Variants in MTUS2 observed in about 807,000 individuals in gnomAD.
MTUS2 encodes the protein microtubule associated scaffold protein 2.
A neutral mutation model predicts 114.1 loss-of-function variants in MTUS2; 40 were observed. That is an observed-to-expected ratio of 0.35 (90% CI 0.27 to 0.46). The LOEUF is 0.46. Among genes scored for constraint, MTUS2 ranks in the 20% least tolerant of loss-of-function variants. The pLI is 1.00. For synonymous variants in MTUS2, 688 were observed against 672.0 expected (o/e 1.02, Z -0.37); for missense variants, 1,679 against 1,705.4 (o/e 0.98, Z 0.27).
intron 5 of MTUS2, among the ~76,000 whole-genome samples, chr13:29,197,775 C>T (rs899840888): frequency 6.6e-6 from 1 of 152,126 alleles, no homozygotes; most frequent in African/African-American, 2.4e-5. Context: ...GATGGTATCT[C>T]ATTGTGGTTT....
intron 3 of MTUS2, among the ~76,000 whole-genome samples, chr13:29,030,946 G>C (rs1886786630): frequency 6.6e-6 from 1 of 152,084 alleles, no homozygotes; most frequent in South Asian, 2.1e-4. Context: ...GATCATCTGG[G>C]ATCTAGTCAT....
At chr13:29,455,084 G>T (rs910947334) in intron 9 of MTUS2, among the ~76,000 whole-genome samples, 4 of 152,226 alleles carry the variant, frequency 2.6e-5, no homozygotes, top group Admixed American at 2.0e-4. Flanking sequence ...CGTGGGAGGT[G>T]TCCAGGTAGT....
chr13:29,320,937 C>T lies in MTUS2; in HGVS notation c.2807-3676C>T, dbSNP rs181688849. Among the ~76,000 whole-genome samples, 13 of 152,280 alleles carry T rather than the reference C, an allele frequency of 8.5e-5. No individual in the cohort carries two copies. The East Asian group carries it at 2.1e-3, about 25-fold the overall frequency. On this transcript the variant is annotated intron_variant, in intron 6 of 15. Coordinates refer to ENST00000612955, the MANE Select transcript of MTUS2 (RefSeq NM_001033602.4). ...GATGAGGAAGAAGACTGACTTGTTT[C>T]TGGTTTCAGTGACTGGGAGGACAAT...
chr13:28,837,595 C>T (rs1042695678), intron 1 of MTUS2, among the ~76,000 whole-genome samples: 10 of 152,134 alleles, frequency 6.6e-5, no homozygotes, highest in Admixed American at 1.3e-4. Flanking sequence ...GCCAGTACTC[C>T]TTAATTTTGT....
At chr13:29,303,568 C>CAGGCAGACAAGAATAGACAAGAATTA (rs1473457687) in intron 6 of MTUS2, among the ~76,000 whole-genome samples, 13 of 152,058 alleles carry the variant, frequency 8.5e-5, no homozygotes, top group Admixed American at 8.5e-4. Flanking sequence ...TGAAATAAGA[C>CAGGCAGACAAGAATAGACAAGAATTA]AGGCAGACAA....
intron 5 of MTUS2, among the ~76,000 whole-genome samples, chr13:29,122,931 G>A (rs1026004121): frequency 6.6e-6 from 1 of 152,174 alleles, no homozygotes; most frequent in Non-Finnish European, 1.5e-5. Context: ...AATTTCTAAT[G>A]ATCAGCCACT....
At chr13:29,048,663 T>G (rs1887746329) in intron 4 of MTUS2, among the ~76,000 whole-genome samples, 2 of 152,126 alleles carry the variant, frequency 1.3e-5, no homozygotes, top group South Asian at 4.1e-4. Context: ...AGAGACAAGG[T>G]CTTACTGTAT....
At chr13:28,854,681 T>C (rs1876508308) in intron 2 of MTUS2, among the ~76,000 whole-genome samples, 1 of 152,232 alleles carries the variant, frequency 6.6e-6, no homozygotes, top group Non-Finnish European at 1.5e-5. Context: ...TTTTAAAAGT[T>C]ACAAAGTAAT....
At chr13:29,408,975 T>G (rs1410766069) in intron 8 of MTUS2, among the ~76,000 whole-genome samples, 4 of 152,212 alleles carry the variant, frequency 2.6e-5, no homozygotes, top group African/African-American at 4.8e-5. Flanking sequence ...ACACACAATA[T>G]ACTTACTCTT....
intron 5 of MTUS2, among the ~76,000 whole-genome samples, chr13:29,162,964 G>A (rs1467145877): frequency 6.6e-6 from 1 of 151,766 alleles, no homozygotes; most frequent in African/African-American, 2.4e-5. Context: ...AATTAACTCT[G>A]TGTCTTGTCT....
chr13:29,262,212 G>A (rs1897499893), intron 5 of MTUS2, among the ~76,000 whole-genome samples: 1 of 152,206 alleles, frequency 6.6e-6, no homozygotes, highest in African/African-American at 2.4e-5. Context: ...CTTTCTTAAA[G>A]TAGTTCTGTT....
At chr13:29,389,557 GTGTA>G (rs1873063998) in intron 8 of MTUS2, among the ~76,000 whole-genome samples, 1 of 59,324 alleles carries the variant, frequency 1.7e-5, no homozygotes. Flanking sequence ...GTATACACGT[GTGTA>G]TATGTGTACA....
chr13:29,331,616 AGGGGATCCTTGTCTTGTG>A (rs1352149317), intron 7 of MTUS2, among the ~76,000 whole-genome samples: 1 of 152,212 alleles, frequency 6.6e-6, no homozygotes, highest in Non-Finnish European at 1.5e-5. Flanking sequence ...GTGGTGAGAG[AGGGGATCCTTGTCTTGTG>A]CCAGTTTTCA....
chr13:28,936,986 ACTGCTGGGGTT>A, intron 2 of MTUS2, among the ~76,000 whole-genome samples: 1 of 152,298 alleles, frequency 6.6e-6, no homozygotes, highest in African/African-American at 2.4e-5. Context: ...CTTAAAGAGA[ACTGCTGGGGTT>A]GTGGAGGAAA....
intron 2 of MTUS2, among the ~76,000 whole-genome samples, chr13:28,960,320 G>GTGGTTCTTC (rs1370771912): frequency 1.3e-5 from 2 of 152,180 alleles, no homozygotes. Flanking sequence ...AAGCAATTTG[G>GTGGTTCTTC]TGGTTCTTCA....
intron 2 of MTUS2, among the ~76,000 whole-genome samples, chr13:28,894,289 G>GGGGAGA (rs1566203550): frequency 8.5e-5 from 1 of 11,810 alleles, no homozygotes; most frequent in African/African-American, 4.3e-4. Flanking sequence ...TGGGGGGGGG[G>GGGGAGA]GAGAGAGAGA....
At chr13:29,317,684 C>A (rs9508349) in intron 6 of MTUS2, among the ~76,000 whole-genome samples, 24,444 of 30,624 alleles carry the variant, frequency 0.8, 10,389 homozygotes, top group East Asian at 1. Flanking sequence ...GTGATCCACC[C>A]GCCTCGGCCT....
Position 29,503,278 on chromosome 13 carries a change from G to C in MTUS2, c.*72G>C. ...TCCACCCTGAGGGAGCACCGACCCG[G>C]TGCCGCCGGAGCTGGCCCTGTGCGC... is the stretch of plus-strand genomic sequence containing the variant. On this transcript the variant is annotated 3_prime_UTR_variant, in exon 16 of 16. Transcript: ENST00000612955. 15 of 1,556,010 alleles carry C rather than the reference G, an allele frequency of 9.6e-6. 1 individual carries two copies. In the South Asian group the frequency reaches 1.7e-4, roughly 17 times the overall value.
chr13:28,899,677 T>A (rs1414670882), intron 2 of MTUS2, among the ~76,000 whole-genome samples: 1 of 152,132 alleles, frequency 6.6e-6, no homozygotes, highest in Non-Finnish European at 1.5e-5. Flanking sequence ...CCCAAAGTGC[T>A]GGGATTACAG....
Sources: allele counts gnomAD v4.1 joint callset (sites outside exome capture counted in the v4.1 genomes callset), GRCh38; gene constraint gnomAD v4.1.1; transcripts MANE v1.5; gene names NCBI Gene and HGNC (gene_info 2026-07-23, HGNC 2026-07-21).